Variants in IARS1 observed in about 807,000 individuals in gnomAD.
IARS1 encodes the protein isoleucine--tRNA ligase, cytoplasmic.
A neutral mutation model predicts 168.2 loss-of-function variants in IARS1; 124 were observed. The observed-to-expected ratio is 0.74, with a 90% CI of 0.64 to 0.86. The LOEUF is 0.86. Ranked by LOEUF, IARS1 falls within the 40% of genes least tolerant of loss-of-function variation. The pLI, the probability that IARS1 is intolerant of heterozygous loss-of-function variation, is 0.00. For missense variants in IARS1, 1,452 were observed against 1,515.8 expected, an observed-to-expected ratio of 0.96 and a Z score of 0.70; for synonymous variants, 532 against 529.4, an observed-to-expected ratio of 1.00 and a Z score of -0.07.
At chr9:92,289,007 G>A (rs962526543) in intron 2 of IARS1, among the ~76,000 whole-genome samples, 26 of 151,810 alleles carry the variant, frequency 1.7e-4, no homozygotes, top group African/African-American at 6.0e-4. Context: ...TCAGGAGTCC[G>A]AGACCAGCCT....
intron 14 of IARS1, among the ~76,000 whole-genome samples, chr9:92,267,735 C>A (rs1832483502): frequency 6.6e-6 from 1 of 152,206 alleles, no homozygotes; most frequent in African/African-American, 2.4e-5. Context: ...TATATCTACA[C>A]ACATCCTCTT....
rs187734532 is a variant in IARS1, at chr9:92,243,261, T to C, written c.2955A>G (p.Gly985=). 1.4e-5 allele frequency: 23 copies of C among 1,613,746 alleles called. No individual in the cohort carries two copies. In the East Asian group the frequency reaches 3.3e-4, roughly 23 times the overall value. ...VTPDQSMVDE[G]MAREVINRIQ... is the part of the protein sequence containing the mutation. ...TGCGATTGATGACTTCCCGAGCCAT[T>C]CCTTCATCTACCATTGACTGGTCAG... The change falls in exon 28 of 34, where the codon GGA becomes GGG. Residue 985 remains glycine, a synonymous_variant. Transcript: ENST00000443024.
At chr9:92,253,257 G>A (rs972836340) in intron 21 of IARS1, 105 bp downstream of exon 21, 14 of 725,662 alleles carry the variant, frequency 1.9e-5, no homozygotes, top group Non-Finnish European at 3.1e-5. Flanking sequence ...CTTCAAAAAC[G>A]GAGAGCAACT....
At chr9:92,224,571 C>T (rs1295641267) in intron 31 of IARS1, among the ~76,000 whole-genome samples, 1 of 152,168 alleles carries the variant, frequency 6.6e-6, no homozygotes, top group African/African-American at 2.4e-5. Flanking sequence ...GGCACAGTGG[C>T]TCACACCTGT....
At position 92,258,837 on chromosome 9, in the gene IARS1, C is replaced by T; in HGVS notation, c.2016+17G>A. 1 of 1,585,166 alleles carries T rather than the reference C, an allele frequency of 6.3e-7. No homozygotes were observed. Among genetic ancestry groups the T allele is most frequent in the Middle Eastern group, 2.0e-4 (1 of 4,986 alleles). ...GGAGACACGGCAGGTACATGTGCAG[C>T]CCCCTACAGCCCATACCTTCTGGAG... is the stretch of plus-strand genomic sequence containing the variant. On this transcript the variant is annotated intron_variant, in intron 19 of 33. Coordinates refer to ENST00000443024, the MANE Select transcript of IARS1 (RefSeq NM_002161.6).
At chr9:92,284,524 C>A (rs1429257134) in intron 6 of IARS1, among the ~76,000 whole-genome samples, 1 of 152,132 alleles carries the variant, frequency 6.6e-6, no homozygotes, top group South Asian at 2.1e-4. Flanking sequence ...CAATGGCTCA[C>A]AACTGTAATT....
intron 26 of IARS1, 28 bp downstream of exon 26, chr9:92,247,349 T>C: frequency 6.3e-7 from 1 of 1,598,356 alleles, no homozygotes; most frequent in Non-Finnish European, 8.5e-7. Flanking sequence ...AGGACATAAA[T>C]GGTGCCCTTG....
chr9:92,236,571 G>A (rs1254202428), intron 30 of IARS1, among the ~76,000 whole-genome samples: 4 of 152,208 alleles, frequency 2.6e-5, no homozygotes, highest in African/African-American at 9.6e-5. Flanking sequence ...TTCAGGCCAG[G>A]AACAGTGGCT....
chr9:92,220,181 C>G (rs1587697657), intron 33 of IARS1, among the ~76,000 whole-genome samples: 1 of 147,598 alleles, frequency 6.8e-6, no homozygotes, highest in East Asian at 2.0e-4. Context: ...AAAAACCAAA[C>G]ACTGCATATT....
chr9:92,249,799 T>G, intron 25 of IARS1, 59 bp downstream of exon 25: 3 of 818,012 alleles, frequency 3.7e-6, no homozygotes, highest in Non-Finnish European at 6.1e-6. Flanking sequence ...TGAGGATTAT[T>G]CATCAAAATA....
intron 27 of IARS1, among the ~76,000 whole-genome samples, chr9:92,243,952 T>C (rs1407461214): frequency 6.6e-6 from 1 of 152,194 alleles, no homozygotes; most frequent in Non-Finnish European, 1.5e-5. Flanking sequence ...GAGTAAAATA[T>C]ACTCTACAAA....
chr9:92,251,708 G>T, intron 22 of IARS1, 100 bp downstream of exon 22: 1 of 797,882 alleles, frequency 1.3e-6, no homozygotes, highest in Non-Finnish European at 2.1e-6. Context: ...ATTTTTGGCA[G>T]AATAATACAG....
chr9:92,213,367 G>A (rs1441266952), intron 33 of IARS1, among the ~76,000 whole-genome samples: 1 of 152,198 alleles, frequency 6.6e-6, no homozygotes. Flanking sequence ...TTCACCACAA[G>A]AGAAAAAGTG....
In IARS1 at chr9:92,243,306, C is replaced by A; in HGVS notation, c.2910G>T (p.Leu970Phe). 1 of 1,611,080 alleles carries A rather than the reference C, an allele frequency of 6.2e-7. No individual in the cohort carries two copies. The highest frequency in any genetic ancestry group is 1.1e-5 in the South Asian group (1 of 90,984). Residue 970 changes from leucine to phenylalanine, a missense_variant, in exon 28 of 34, where the codon TTG (leucine) becomes TTT (phenylalanine). Physicochemically the swap from Leu to Phe is conservative, Grantham distance 22. Transcript: ENST00000443024. ...QFEAHSDAQALVLLDVTPDQS... is the reference protein window; with the variant it reads ...QFEAHSDAQAFVLLDVTPDQS... The stretch of plus-strand genomic sequence containing the variant: ...GGTCAGGAGTGACATCTAAGAGGAC[C>A]AAAGCCTGTGGGAATGAACAGTGCA...
intron 2 of IARS1, 73 bp from the exon 3 acceptor site, chr9:92,288,355 C>T: frequency 7.8e-7 from 1 of 1,287,104 alleles, no homozygotes; most frequent in Non-Finnish European, 1.1e-6. Flanking sequence ...ATAGATAGCT[C>T]TTGTCATAGT....
At chr9:92,267,314 T>C (rs1344274931) in intron 14 of IARS1, among the ~76,000 whole-genome samples, 2 of 152,182 alleles carry the variant, frequency 1.3e-5, no homozygotes, top group Non-Finnish European at 2.9e-5. Flanking sequence ...AAAAGTCTTC[T>C]GATTCAGCTA....
chr9:92,256,749 T>C lies in IARS1; in HGVS notation c.2068A>G (p.Asn690Asp). ...GACAGGATCCACCGGTCTGTAATGT[T>C]GGGGCTTTCTCTAACCGTGTTCTCA... ...YNENTVRESP[N>D]ITDRWILSFM... The change falls in exon 20 of 34, where the codon AAC becomes GAC. Residue 690 changes from asparagine to aspartate, a missense_variant. Transcript: ENST00000443024. 1.9e-6 allele frequency: 3 copies of C among 1,613,962 alleles called. No individual in the cohort carries two copies. Among genetic ancestry groups the C allele is most frequent in the East Asian group, 4.5e-5 (2 of 44,872 alleles).
intron 18 of IARS1, among the ~76,000 whole-genome samples, chr9:92,259,460 A>G (rs752926209): frequency 6.6e-5 from 10 of 152,210 alleles, no homozygotes; most frequent in Non-Finnish European, 1.3e-4. Context: ...AACATCCTAC[A>G]AAGAACTACC....
chr9:92,215,615 C>T (rs943286479), intron 33 of IARS1, among the ~76,000 whole-genome samples: 16 of 151,602 alleles, frequency 1.1e-4, no homozygotes, highest in South Asian at 4.2e-4. Context: ...TCGAGAACTA[C>T]GTGAAGAATG....
Sources: gnomAD v4.1 joint callset for allele counts (sites outside exome capture counted in the v4.1 genomes callset) on GRCh38, gnomAD v4.1.1 for gene constraint, MANE v1.5 for transcripts, NCBI Gene and HGNC (gene_info 2026-07-23, HGNC 2026-07-21) for gene names.